AMOT: variants seen among roughly 807,000 people sequenced by gnomAD.
AMOT encodes the protein angiomotin.
A neutral mutation model predicts 67.0 loss-of-function variants in AMOT; 11 were observed. That is an observed-to-expected ratio of 0.16 (90% CI 0.10 to 0.27). The LOEUF (loss-of-function observed/expected upper bound fraction) is 0.27, where lower values mean the gene tolerates loss of function less well. Ranked by LOEUF, AMOT falls within the 10% of genes least tolerant of loss-of-function variation. The pLI is 1.00. For synonymous variants in AMOT, 326 were observed against 321.4 expected (o/e 1.01, Z -0.15); for missense variants, 753 against 852.0 (o/e 0.88, Z 1.45).
rs1274265776 is a variant in AMOT at position 112,779,478 on chromosome X, A to T, written c.2676T>A (p.Thr892=). Residue 892 remains threonine, a synonymous_variant, in exon 13 of 14, where the codon ACT becomes ACA. Coordinates refer to ENST00000371959, the MANE Select transcript of AMOT (RefSeq NM_001113490.2). Reference sequence around the variant, plus strand: ...CAGCAGTGGCAGTGATGGCGGCAGCAGTGGCGGCAGCAGCAACTGGAGCAG... The same window carrying T: ...CAGCAGTGGCAGTGATGGCGGCAGCTGTGGCGGCAGCAGCAACTGGAGCAG... ...SVPAPVAAAA[T]AAAITATAAT... 1.7e-6 allele frequency: 2 copies of T among 1,203,913 alleles called. No homozygotes were observed. The highest frequency in any genetic ancestry group is 6.0e-5 in the East Asian group (2 of 33,486).
chrX:112,797,117 A>G (rs1933847633), intron 8 of AMOT, among the ~76,000 whole-genome samples: 3 of 111,708 alleles, frequency 2.7e-5, no homozygotes, highest in Non-Finnish European at 5.6e-5. Flanking sequence ...CATGCCCCAG[A>G]TGGCTTTCAT....
chrX:112,782,399 C>T, intron 11 of AMOT, 141 bp downstream of exon 11: 1 of 823,445 alleles, frequency 1.2e-6, no homozygotes, highest in Admixed American at 2.4e-5. Flanking sequence ...CATTGCATCT[C>T]ACACCTTTAA....
chrX:112,780,761 C>T (rs776968145), intron 12 of AMOT, 125 bp downstream of exon 12: 38 of 738,894 alleles, frequency 5.1e-5, no homozygotes, highest in Non-Finnish European at 5.2e-5. Flanking sequence ...AAAAAAAACT[C>T]CAAAACCCTG....
At chrX:112,808,137 A>C (rs987035836) in intron 7 of AMOT, among the ~76,000 whole-genome samples, 2 of 112,180 alleles carry the variant, frequency 1.8e-5, no homozygotes, top group African/African-American at 6.5e-5. Context: ...TTGCATTTGG[A>C]AAGAAAGGAA....
At position 112,778,659 on chromosome X, in the gene AMOT, G is replaced by C; in HGVS notation, c.3163C>G (p.Pro1055Ala). The C allele has an allele frequency of 5.0e-6, 6 of 1,192,947 alleles. No homozygotes were observed. Among genetic ancestry groups the C allele is most frequent in the Middle Eastern group, 4.7e-4 (2 of 4,254 alleles). Residue 1055 changes from proline (P) to alanine (A), a missense_variant, in exon 14 of 14, where the codon CCT becomes GCT. Physicochemically the swap from Pro to Ala is conservative, Grantham distance 27. Around this residue, in one of 5 missense-constraint regions of AMOT, gnomAD observed 269 missense variants for 300.9 expected, o/e 0.89. Transcript: ENST00000371959. Reference sequence around the variant, plus strand: ...TCCAGAGTATTGGAGTGGAACACAGGCCCATCTAAATGGAAATAAGGGTTA... The same window carrying C: ...TCCAGAGTATTGGAGTGGAACACAGCCCCATCTAAATGGAAATAAGGGTTA... Reference protein sequence around the residue: ...LTCNPDKTDGPVFHSNTLERK... With the variant: ...LTCNPDKTDGAVFHSNTLERK...
In AMOT at chrX:112,815,358, C is replaced by G; in HGVS notation, c.1392G>C (p.Lys464Asn). The G allele has an allele frequency of 8.3e-7, 1 of 1,204,859 alleles. No homozygotes were observed. Reference sequence around the variant, plus strand: ...TAATATCCCAAAACGGAAGCCTCACCTTCTGCAGTCTTGCCACCTTCTCAT... The same window carrying G: ...TAATATCCCAAAACGGAAGCCTCACGTTCTGCAGTCTTGCCACCTTCTCAT... ...GCYEKVARLQKVETEIQRVSE... is the reference protein window; with the variant it reads ...GCYEKVARLQNVETEIQRVSE... Residue 464 changes from lysine to asparagine, a missense_variant and splice_region_variant, in exon 5 of 14, where the codon AAG (lysine) becomes AAC (asparagine). Physicochemically the swap from Lys to Asn is moderately conservative, Grantham distance 94. This residue lies in a region of AMOT where 297 missense variants were observed against 284.3 expected (regional missense o/e 1.04). Transcript: ENST00000371959.
chrX:112,824,006 C>T (rs182591380), intron 3 of AMOT, among the ~76,000 whole-genome samples: 5 of 112,123 alleles, frequency 4.5e-5, no homozygotes, highest in African/African-American at 1.6e-4. Context: ...AAAGGGTATA[C>T]GATTAGCATA....
In AMOT at chrX:112,779,514, G is replaced by A; in HGVS notation, c.2640C>T (p.Pro880=). ...TESNKTAAVA[P]ISVPAPVAAA... ...CAGCAACTGGAGCAGGAACAGAGAT[G>A]GGAGCAACAGCTGCAGTTTTGTTCG... The change falls in exon 13 of 14, where the codon CCC becomes CCT. Residue 880 remains proline (P), a synonymous_variant. Coordinates refer to ENST00000371959, the MANE Select transcript of AMOT (RefSeq NM_001113490.2). 1.7e-6 allele frequency: 2 copies of A among 1,211,340 alleles called. No homozygotes were observed. The highest frequency in any genetic ancestry group is 1.1e-6 in the Non-Finnish European group (1 of 895,430).
At chrX:112,789,537 C>G (rs1569393598) in intron 10 of AMOT, among the ~76,000 whole-genome samples, 1 of 110,467 alleles carries the variant, frequency 9.1e-6, no homozygotes, top group Non-Finnish European at 1.9e-5. Context: ...GCTTATAAAG[C>G]ACCGGTTCAG....
Position 112,788,058 on chromosome X carries a change from G to A in AMOT, c.2117+2534C>T, listed in dbSNP as rs188098469. 7.7e-4 allele frequency among the ~76,000 whole-genome samples: 86 copies of A among 111,103 alleles called. 1 individual carries two copies. Among genetic ancestry groups the A allele is most frequent in the Admixed American group, 7.1e-3 (74 of 10,363 alleles). ...TAATCCCAGCATTTTGGGAGGCCGA[G>A]ACAGGTGGATCACAAGGTCAGGAGA... On this transcript the variant is annotated intron_variant, in intron 10 of 13. Coordinates refer to ENST00000371959, the MANE Select transcript of AMOT (RefSeq NM_001113490.2).
chrX:112,785,177 C>A (rs768774035), intron 10 of AMOT, among the ~76,000 whole-genome samples: 14 of 112,257 alleles, frequency 1.2e-4, no homozygotes, highest in Non-Finnish European at 2.3e-4. Flanking sequence ...TGCTGGGCTA[C>A]GATCTGAAAA....
intron 11 of AMOT, 100 bp downstream of exon 11, chrX:112,782,439 CG>C: frequency 9.2e-7 from 1 of 1,092,535 alleles, no homozygotes; most frequent in Non-Finnish European, 1.3e-6. Context: ...GATGGTGGAG[CG>C]GGGAGGCTGC....
intron 4 of AMOT, among the ~76,000 whole-genome samples, chrX:112,818,071 A>G (rs1163755066): frequency 9.0e-6 from 1 of 111,344 alleles, no homozygotes; most frequent in Non-Finnish European, 1.9e-5. Flanking sequence ...CTTAAGTTTC[A>G]TGTTCTCCAA....
chrX:112,811,104 T>C, intron 6 of AMOT, 145 bp downstream of exon 6: 2 of 746,386 alleles, frequency 2.7e-6, no homozygotes, highest in East Asian at 3.2e-5. Context: ...CACAAAAAAT[T>C]AGCCTGGCAC....
At position 112,779,600 on chromosome X, in the gene AMOT, A is replaced by G. The variant is rs1933065851; in HGVS notation, c.2554T>C (p.Ser852Pro). The G allele has an allele frequency of 8.3e-7, 1 of 1,210,882 alleles. No individual in the cohort carries two copies. Among genetic ancestry groups the G allele is most frequent in the East Asian group, 3.0e-5 (1 of 33,791 alleles). ...CGGCTGCCTGTCTTGGAGTGAGCCGAGAGCAGGGGAGTCGAGGGTGGCACA... is the reference window on the plus strand; with the variant it reads ...CGGCTGCCTGTCTTGGAGTGAGCCGGGAGCAGGGGAGTCGAGGGTGGCACA... ...SPVPPSTPLLSAHSKTGSRDC... is the reference protein window; with the variant it reads ...SPVPPSTPLLPAHSKTGSRDC... Residue 852 changes from serine to proline, a missense_variant, in exon 13 of 14, where the codon TCG (serine) becomes CCG (proline). Physicochemically the swap from Ser to Pro is moderately conservative, Grantham distance 74. Transcript: ENST00000371959.
At chrX:112,840,129 C>T (rs1417505183) in intron 1 of AMOT, among the ~76,000 whole-genome samples, 2 of 111,063 alleles carry the variant, frequency 1.8e-5, no homozygotes, top group Non-Finnish European at 3.8e-5. Context: ...TTTCAGCTTC[C>T]CTCGGGTCTT....
At chrX:112,788,056 G>A (rs898086682) in intron 10 of AMOT, among the ~76,000 whole-genome samples, 12 of 111,115 alleles carry the variant, frequency 1.1e-4, no homozygotes, top group African/African-American at 3.6e-4. Context: ...TTGGGAGGCC[G>A]AGACAGGTGG....
At chrX:112,835,085 G>T (rs982224106) in intron 1 of AMOT, among the ~76,000 whole-genome samples, 6 of 112,253 alleles carry the variant, frequency 5.3e-5, no homozygotes, top group Non-Finnish European at 9.4e-5. Context: ...TAATAAGCCT[G>T]CTCTGCCATC....
rs1036063019 is a variant in AMOT, at chrX:112,779,562, G to A, written c.2592C>T (p.Thr864=). The A allele has an allele frequency of 2.5e-6, 3 of 1,211,503 alleles. No homozygotes were observed. In the African/African-American group the frequency reaches 5.2e-5, roughly 21 times the overall value. The change falls in exon 13 of 14, where the codon ACC becomes ACT. Residue 864 remains threonine (T), a synonymous_variant. Coordinates refer to ENST00000371959, the MANE Select transcript of AMOT (RefSeq NM_001113490.2). ...HSKTGSRDCS[T]QTERGTESNK... ...TCGATTCCGTCCCACGTTCAGTTTGGGTACTGCAGTCTCGGCTGCCTGTCT... is the reference window on the plus strand; with the variant it reads ...TCGATTCCGTCCCACGTTCAGTTTGAGTACTGCAGTCTCGGCTGCCTGTCT...
Sources: allele counts gnomAD v4.1 joint callset (sites outside exome capture counted in the v4.1 genomes callset), GRCh38; gene constraint gnomAD v4.1.1; regional missense constraint gnomAD v4.1.1; transcripts MANE v1.5; gene names NCBI Gene and HGNC (gene_info 2026-07-23, HGNC 2026-07-21).